The following DGKB variants were observed in gnomAD, a reference collection of about 807,000 sequenced individuals.
DGKB encodes the protein diacylglycerol kinase beta.
In DGKB, 67 loss-of-function variants were observed where a neutral mutation model predicts 114.3. That is an observed-to-expected ratio of 0.59 (90% confidence interval 0.48 to 0.72). The LOEUF is 0.72. Ranked by LOEUF, DGKB falls within the 30% of genes least tolerant of loss-of-function variation. DGKB has a pLI of 0.00. For synonymous variants in DGKB, 398 were observed against 323.1 expected (o/e 1.23, Z -2.49); for missense variants, 907 against 975.2 (o/e 0.93, Z 0.93).
chr7:14,553,931 G>A (rs1271931345), intron 20 of DGKB, among the ~76,000 whole-genome samples: 1 of 128,040 alleles, frequency 7.8e-6, no homozygotes, highest in Admixed American at 9.6e-5. Flanking sequence ...GGAGTGCAGT[G>A]GCGGGATCTC....
At chr7:14,472,018 C>G (rs959271510) in intron 21 of DGKB, among the ~76,000 whole-genome samples, 1 of 152,138 alleles carries the variant, frequency 6.6e-6, no homozygotes, top group Non-Finnish European at 1.5e-5. Flanking sequence ...TGGATTTAAA[C>G]AGTATTATTG....
intron 9 of DGKB, among the ~76,000 whole-genome samples, chr7:14,691,819 A>G (rs934550107): frequency 9.2e-5 from 14 of 151,786 alleles, no homozygotes; most frequent in Admixed American, 4.6e-4. Flanking sequence ...TCTGCCATCT[A>G]GCGGCCGTCA....
chr7:14,212,227 A>G lies in DGKB; in HGVS notation c.2123-34076T>C, dbSNP rs868216718. Among the ~76,000 whole-genome samples, 36 of 5,974 alleles carry G rather than the reference A, an allele frequency of 6.0e-3. 2 individuals carry two copies. Among genetic ancestry groups the G allele is most frequent in the Non-Finnish European group, 7.0e-3 (28 of 4,002 alleles). 3.9% of individuals were successfully genotyped at this position (5,974 alleles called of 152,430 possible). A position where few individuals can be genotyped will look rare whatever the true frequency, so the allele number is the denominator to read the frequency against. Reference sequence around the variant, plus strand: ...TCTCGTGTTTTGTGATTTTACTCTCATGTTTTGTGATTTTACTCTCATGTT... The same window carrying G: ...TCTCGTGTTTTGTGATTTTACTCTCGTGTTTTGTGATTTTACTCTCATGTT... On this transcript the variant is annotated intron_variant, in intron 23 of 25. Coordinates refer to ENST00000402815, the MANE Select transcript of DGKB (RefSeq NM_001350709.2).
At chr7:14,945,779 T>C (rs1785838305) in intron 1 of DGKB, among the ~76,000 whole-genome samples, 1 of 151,748 alleles carries the variant, frequency 6.6e-6, no homozygotes, top group Admixed American at 6.6e-5. Flanking sequence ...CAATTTATGT[T>C]TATTTATTGT....
intron 6 of DGKB, among the ~76,000 whole-genome samples, chr7:14,703,336 T>C (rs1825551031): frequency 6.6e-6 from 1 of 152,210 alleles, no homozygotes; most frequent in Non-Finnish European, 1.5e-5. Context: ...GAAACCCTGT[T>C]CTGATTTGTT....
intron 13 of DGKB, among the ~76,000 whole-genome samples, chr7:14,637,229 A>G (rs1178959122): frequency 6.6e-6 from 1 of 152,018 alleles, no homozygotes; most frequent in East Asian, 1.9e-4. Flanking sequence ...TCAGAGCTGC[A>G]TGTAATAAAC....
intron 21 of DGKB, among the ~76,000 whole-genome samples, chr7:14,418,181 A>G (rs920752742): frequency 6.9e-6 from 1 of 144,054 alleles, no homozygotes; most frequent in Non-Finnish European, 1.5e-5. Context: ...TTTTATAAAT[A>G]TAAATATAAA....
rs1291916345 is a variant in DGKB at position 14,580,956 on chromosome 7, A to G, written c.1520-5T>C. 6.3e-7 allele frequency: 1 copy of G among 1,579,060 alleles called. No individual in the cohort carries two copies. The highest frequency in any genetic ancestry group is 1.4e-5 in the African/African-American group (1 of 73,506). Reference sequence around the variant, plus strand: ...GCTTGCCTACATTGGCCTTTTCTGCAGAATAAAAAAAAATACAAATAAAGA... The same window carrying G: ...GCTTGCCTACATTGGCCTTTTCTGCGGAATAAAAAAAAATACAAATAAAGA... On this transcript the variant is annotated splice_polypyrimidine_tract_variant and splice_region_variant and intron_variant, in intron 18 of 25. Coordinates refer to ENST00000402815, the MANE Select transcript of DGKB (RefSeq NM_001350709.2).
chr7:14,266,023 C>T (rs570741603), intron 23 of DGKB, among the ~76,000 whole-genome samples: 31 of 152,226 alleles, frequency 2.0e-4, no homozygotes, highest in African/African-American at 6.7e-4. Context: ...CAGACTAAGT[C>T]GGTAAATGCT....
upstream of DGKB, among the ~76,000 whole-genome samples, chr7:14,907,821 G>C (rs1001844552): frequency 6.6e-6 from 1 of 152,122 alleles, no homozygotes; most frequent in Non-Finnish European, 1.5e-5. Context: ...ATTATAAAGT[G>C]GTCTGAGCAA....
At chr7:14,330,651 A>T (rs912732649) in intron 23 of DGKB, among the ~76,000 whole-genome samples, 2 of 152,032 alleles carry the variant, frequency 1.3e-5, no homozygotes, top group Non-Finnish European at 2.9e-5. Flanking sequence ...GGTGGCAATA[A>T]TGATGGTCAT....
chr7:14,699,913 A>AG (rs1824811392), intron 7 of DGKB, among the ~76,000 whole-genome samples: 1 of 152,080 alleles, frequency 6.6e-6, no homozygotes, highest in Admixed American at 6.6e-5. Flanking sequence ...AAAAAAAAAA[A>AG]GGACTATTTG....
chr7:14,852,346 A>T (rs1254774075), intron 1 of DGKB, among the ~76,000 whole-genome samples: 1 of 151,730 alleles, frequency 6.6e-6, no homozygotes, highest in South Asian at 2.1e-4. Flanking sequence ...TTATATAGCC[A>T]GGTGCATATT....
chr7:14,828,845 T>A (rs2128117931), intron 2 of DGKB, among the ~76,000 whole-genome samples: 1 of 152,218 alleles, frequency 6.6e-6, no homozygotes, highest in South Asian at 2.1e-4. Flanking sequence ...GACATAACAC[T>A]CAGTAGTCTG....
intron 23 of DGKB, among the ~76,000 whole-genome samples, chr7:14,270,156 G>A (rs1430702948): frequency 6.7e-6 from 1 of 149,466 alleles, no homozygotes; most frequent in Non-Finnish European, 1.5e-5. Flanking sequence ...AAACAGAAAA[G>A]TAAAATTGTC....
At chr7:14,658,517 T>A (rs1041721360) in intron 13 of DGKB, among the ~76,000 whole-genome samples, 4 of 151,660 alleles carry the variant, frequency 2.6e-5, no homozygotes, top group Non-Finnish European at 5.9e-5. Context: ...AATAGTAGAG[T>A]AGAATGACGA....
intron 21 of DGKB, among the ~76,000 whole-genome samples, chr7:14,470,258 TA>T: frequency 6.6e-6 from 1 of 151,950 alleles, no homozygotes; most frequent in South Asian, 2.1e-4. Flanking sequence ...TTCAAAACAC[TA>T]AAAATGACAA....
chr7:14,534,204 A>G (rs889940653), intron 20 of DGKB, among the ~76,000 whole-genome samples: 1 of 152,116 alleles, frequency 6.6e-6, no homozygotes, highest in South Asian at 2.1e-4. Flanking sequence ...GCTCATATAC[A>G]GTTAAAGAAA....
At chr7:14,186,346 C>A (rs747178887) in intron 23 of DGKB, among the ~76,000 whole-genome samples, 1 of 151,914 alleles carries the variant, frequency 6.6e-6, no homozygotes, top group African/African-American at 2.4e-5. Context: ...TGACCATAAT[C>A]AAAAAAATAA....
Sources: allele counts gnomAD v4.1 joint callset (sites outside exome capture counted in the v4.1 genomes callset), GRCh38; gene constraint gnomAD v4.1.1; transcripts MANE v1.5; gene names NCBI Gene and HGNC (gene_info 2026-07-23, HGNC 2026-07-21).